Variants in INPP1 observed in about 807,000 individuals in gnomAD.
The protein encoded by INPP1 is inositol polyphosphate 1-phosphatase.
In INPP1, 18 loss-of-function variants were observed where a neutral mutation model predicts 23.0. The ratio of observed to expected loss-of-function variants is 0.78; its 90% CI spans 0.54 to 1.16. The LOEUF is 1.16. INPP1 is among the 50% of genes most tolerant of loss of function. The probability of loss-of-function intolerance (pLI) is 0.00; values close to 1 mark genes in which losing one functional copy is unlikely to be tolerated. For missense variants in INPP1, 448 were observed against 482.1 expected, an observed-to-expected ratio of 0.93 and a Z score of 0.66; for synonymous variants, 164 against 176.3, an observed-to-expected ratio of 0.93 and a Z score of 0.55.
chr2:190,369,046 A>G, intron 5 of INPP1, 57 bp from the exon 6 acceptor site: 1 of 1,082,596 alleles, frequency 9.2e-7, no homozygotes, highest in Non-Finnish European at 1.3e-6. Flanking sequence ...GTCATATGGA[A>G]CAGAGTCTTC....
chr2:190,346,435 TCTG>T lies in INPP1; in HGVS notation c.-208-2449_-208-2447del, dbSNP rs1240329387. On this transcript the variant is annotated intron_variant, in intron 1 of 6. Transcript: ENST00000392329. The surrounding 1 kb of genome is among the most constrained non-coding windows in gnomAD (Gnocchi z 5.1). Reference sequence around the variant, plus strand: ...TTTTATATTTTTTTCTGGTCAAGCTTCTGCTGATCAAATTTAGCAAACATATTT... The same window carrying T: ...TTTTATATTTTTTTCTGGTCAAGCTTCTGATCAAATTTAGCAAACATATTT... 2.0e-5 allele frequency among the ~76,000 whole-genome samples: 3 copies of T among 152,204 alleles called. No individual in the cohort carries two copies. Among genetic ancestry groups the T allele is most frequent in the Non-Finnish European group, 4.4e-5 (3 of 68,028 alleles).
chr2:190,359,374 G>C, intron 2 of INPP1, among the ~76,000 whole-genome samples: 1 of 151,700 alleles, frequency 6.6e-6, no homozygotes, highest in Non-Finnish European at 1.5e-5. Flanking sequence ...TGGATAACAC[G>C]GTGAAACCCT....
At position 190,356,403 on chromosome 2, in the gene INPP1, G is replaced by C. The variant is rs1689421852; in HGVS notation, c.-64-3636G>C. ...ATTACAGGGCTGCAGTGAATAGCCA[G>C]TACTTCTTTCCCATTGGTCAAGTTG... On this transcript the variant is annotated intron_variant, in intron 2 of 6. Transcript: ENST00000392329. The surrounding 1 kb of genome is among the most constrained non-coding windows in gnomAD (Gnocchi z 6.4). 1 of 152,248 alleles carries C rather than the reference G, an allele frequency of 6.6e-6. No homozygotes were observed. The highest frequency in any genetic ancestry group is 2.4e-5 in the African/African-American group (1 of 41,450). 9.4% of individuals were successfully genotyped at this position (152,248 alleles called of 1,614,324 possible).
rs1261804811 is a variant in INPP1 at position 190,371,294 on chromosome 2, T to C, written c.1092T>C (p.Asp364=). 1.9e-6 allele frequency: 3 copies of C among 1,609,220 alleles called. No homozygotes were observed. Among genetic ancestry groups the C allele is most frequent in the Non-Finnish European group, 2.5e-6 (3 of 1,177,078 alleles). Residue 364 remains aspartate (D), a synonymous_variant, in exon 7 of 7, where the codon GAT becomes GAC. Transcript: ENST00000392329. The surrounding 1 kb of genome is among the most constrained non-coding windows in gnomAD (Gnocchi z 5.3). ...HVENEGAAGV[D]RWANKGGLIA... is the part of the protein sequence containing the mutation. ...AAAATGAGGGTGCTGCTGGGGTGGATCGGTGGGCCAACAAGGGAGGACTCA... is the reference window on the plus strand; with the variant it reads ...AAAATGAGGGTGCTGCTGGGGTGGACCGGTGGGCCAACAAGGGAGGACTCA...
At position 190,362,631 on chromosome 2, in the gene INPP1, CAGGCTTGGAAAA is replaced by C. The variant is rs1689557669; in HGVS notation, c.211_222del (p.Gly71_Lys74del). The C allele has an allele frequency of 6.2e-7, 1 of 1,605,264 alleles. No individual in the cohort carries two copies. The highest frequency in any genetic ancestry group is 1.3e-5 in the African/African-American group (1 of 74,550). On this transcript the variant is annotated inframe_deletion, in exon 4 of 7. Transcript: ENST00000392329. ...GTCATACTCTGAATCATTCAGTTTC[CAGGCTTGGAAAA>C]AAATATTTTTGGAGAAGAATCCAAT...
intron 2 of INPP1, among the ~76,000 whole-genome samples, chr2:190,357,787 C>G (rs1001252985): frequency 1.3e-5 from 2 of 152,114 alleles, no homozygotes; most frequent in African/African-American, 4.8e-5. Context: ...TGTTTGCGTG[C>G]CCATTAGCAG....
At position 190,360,228 on chromosome 2, in the gene INPP1, C is replaced by G. The variant is rs1559082803; in HGVS notation, c.126C>G (p.Asn42Lys). The G allele has an allele frequency of 6.2e-7, 1 of 1,614,156 alleles. No homozygotes were observed. The highest frequency in any genetic ancestry group is 1.7e-5 in the Admixed American group (1 of 60,026). ...AAGAAAAGAAAGAGGGAGAAAAGAA[C>G]AAGAAGTTTGCAGTTGACTTCAAGA... The part of the protein sequence containing the change: ...LIEEKKEGEK[N>K]KKFAVDFKTL... Residue 42 changes from asparagine (N) to lysine (K), a missense_variant, in exon 3 of 7, where the codon AAC becomes AAG. Asn to Lys is a moderately conservative substitution (Grantham distance 94). Coordinates refer to ENST00000392329, the MANE Select transcript of INPP1 (RefSeq NM_001128928.2).
intron 2 of INPP1, among the ~76,000 whole-genome samples, chr2:190,353,882 G>A (rs1381980551): frequency 1.3e-5 from 2 of 152,182 alleles, no homozygotes; most frequent in East Asian, 1.9e-4. Flanking sequence ...TTTGTGGAGA[G>A]GTTTGGGTTT....
In INPP1 at chr2:190,367,824, C is replaced by T. The variant is rs1474323856; in HGVS notation, c.466+929C>T. Among the ~76,000 whole-genome samples the T allele has an allele frequency of 6.6e-6, 1 of 152,184 alleles. No individual in the cohort carries two copies. Among genetic ancestry groups the T allele is most frequent in the Non-Finnish European group, 1.5e-5 (1 of 68,008 alleles). The stretch of plus-strand genomic sequence containing the variant: ...CAAGCGATCTGCCTGCCTTGGCCTC[C>T]TAAAGTGCTAGGATGATTACAGGCA... On this transcript the variant is annotated intron_variant, in intron 5 of 6. Transcript: ENST00000392329. The surrounding 1 kb of genome is among the most constrained non-coding windows in gnomAD (Gnocchi z 4.1).
intron 4 of INPP1, among the ~76,000 whole-genome samples, chr2:190,366,302 GCTCTGTCTCACTCT>G (rs1250472460): frequency 9.5e-5 from 9 of 94,570 alleles, no homozygotes; most frequent in East Asian, 3.6e-4. Context: ...TGTCTCTCTC[GCTCTGTCTCACTCT>G]CTCTGTCTCA....
chr2:190,355,975 C>T lies in INPP1; in HGVS notation c.-64-4064C>T, dbSNP rs537432726. ...AAAAAATCATCTGAAAGATAATTTCCATGAGTTTTAATAAATGTATTGATA... is the reference window on the plus strand; with the variant it reads ...AAAAAATCATCTGAAAGATAATTTCTATGAGTTTTAATAAATGTATTGATA... On this transcript the variant is annotated intron_variant, in intron 2 of 6. Coordinates refer to ENST00000392329, the MANE Select transcript of INPP1 (RefSeq NM_001128928.2). This position sits in a 1 kb window ranked among gnomAD's most constrained non-coding sequence, Gnocchi z 5.1. Among the ~76,000 whole-genome samples the T allele has an allele frequency of 5.8e-5, 7 of 120,020 alleles. No homozygotes were observed. The South Asian group carries it at 1.6e-3, about 27-fold the overall frequency. The allele number at this position is 120,020 out of a possible 152,430, so 78.7% of individuals were successfully genotyped here.
At chr2:190,351,302 TC>T (rs1436318848) in intron 2 of INPP1, among the ~76,000 whole-genome samples, 4 of 152,236 alleles carry the variant, frequency 2.6e-5, no homozygotes, top group African/African-American at 9.6e-5. Flanking sequence ...GAAATGATTC[TC>T]CTTTTGCACA....
At chr2:190,361,823 T>A (rs1689539982) in intron 3 of INPP1, among the ~76,000 whole-genome samples, 1 of 152,160 alleles carries the variant, frequency 6.6e-6, no homozygotes, top group African/African-American at 2.4e-5. Flanking sequence ...GAATAATAAG[T>A]GTTGTGGGCA....
In INPP1 at chr2:190,360,127, C is replaced by T. The variant is rs748017066; in HGVS notation, c.25C>T (p.Leu9Phe). The T allele has an allele frequency of 1.5e-5, 25 of 1,613,492 alleles. No homozygotes were observed. The highest frequency in any genetic ancestry group is 3.6e-4 in the Middle Eastern group (2 of 5,582). The change falls in exon 3 of 7, where the codon CTC becomes TTC. Residue 9 changes from leucine (L) to phenylalanine (F), a missense_variant. By Grantham distance (22) the Leu-to-Phe change is conservative. Transcript: ENST00000392329. ...AATGTCAGATATCCTCCGGGAGCTG[C>T]TCTGTGTCTCTGAGAAGGCTGCTAA... MSDILREL[L>F]CVSEKAANIA...
Position 190,352,448 on chromosome 2 carries a change from A to G in INPP1, c.-65+3417A>G, listed in dbSNP as rs952358280. ...AACATGGCTTATACACTGGGAAAAC[A>G]ATTTAGTTTTCAATGAGCTAAAAGG... On this transcript the variant is annotated intron_variant, in intron 2 of 6. Transcript: ENST00000392329. This position sits in a 1 kb window ranked among gnomAD's most constrained non-coding sequence, Gnocchi z 4.7. Among the ~76,000 whole-genome samples the G allele has an allele frequency of 1.2e-4, 19 of 152,320 alleles. No individual in the cohort carries two copies. The highest frequency in any genetic ancestry group is 4.3e-4 in the African/African-American group (18 of 41,562).
At chr2:190,364,376 T>TA (rs1491116911) in intron 4 of INPP1, among the ~76,000 whole-genome samples, 2 of 151,100 alleles carry the variant, frequency 1.3e-5, no homozygotes, top group East Asian at 3.9e-4. Context: ...CGTCTCTACT[T>TA]AAAAAATACA....
chr2:190,344,106 T>C, intron 1 of INPP1, 145 bp downstream of exon 1: 1 of 229,924 alleles, frequency 4.3e-6, no homozygotes, highest in Non-Finnish European at 9.2e-6. Context: ...GGAGGGTTCC[T>C]CGCCTCTGCG....
intron 2 of INPP1, among the ~76,000 whole-genome samples, chr2:190,350,905 G>A (rs1026995364): frequency 6.6e-6 from 1 of 152,188 alleles, no homozygotes; most frequent in African/African-American, 2.4e-5. Flanking sequence ...CAAAAATGTG[G>A]TTCAGTTGCT....
Position 190,371,348 on chromosome 2 carries a change from GA to G in INPP1, c.1147del (p.Thr383HisfsTer3), listed in dbSNP as rs1302220306. The G allele has an allele frequency of 6.4e-7, 1 of 1,554,294 alleles. No homozygotes were observed. The highest frequency in any genetic ancestry group is 8.7e-7 in the Non-Finnish European group (1 of 1,150,566). On this transcript the variant is annotated frameshift_variant, in exon 7 of 7. Transcript: ENST00000392329. LOFTEE classifies it low-confidence loss of function (END_TRUNC). This position sits in a 1 kb window ranked among gnomAD's most constrained non-coding sequence, Gnocchi z 5.3. ...CATACAGATCCAGGAAGCGGCTGGAGACATTCCTGAGCCTCCTGGTCCAAAA... is the reference window on the plus strand; with the variant it reads ...CATACAGATCCAGGAAGCGGCTGGAGCATTCCTGAGCCTCCTGGTCCAAAA... Reference protein sequence around the residue: ...IAYRSRKRLETFLSLLVQNLA... With the variant: ...IAYRSRKRLEXFLSLLVQNLA...
Sources: allele counts gnomAD v4.1 joint callset (sites outside exome capture counted in the v4.1 genomes callset), GRCh38; gene constraint gnomAD v4.1.1; non-coding constraint Gnocchi (gnomAD v3.1); transcripts MANE v1.5; gene names NCBI Gene and HGNC (gene_info 2026-07-23, HGNC 2026-07-21).